Variants in MTREX observed in about 807,000 individuals in gnomAD.
The protein encoded by MTREX is exosome RNA helicase MTR4.
In MTREX, 76 loss-of-function variants were observed where a neutral mutation model predicts 135.4. The observed-to-expected ratio is 0.56, with a 90% CI of 0.47 to 0.68. MTREX has a LOEUF of 0.68. Ranked by LOEUF, MTREX falls within the 30% of genes least tolerant of loss-of-function variation. The probability of loss-of-function intolerance (pLI) is 0.00; values close to 1 mark genes in which losing one functional copy is unlikely to be tolerated. For missense variants in MTREX, 920 were observed against 1,262.1 expected, an observed-to-expected ratio of 0.73 and a Z score of 4.11; for synonymous variants, 404 against 401.6, an observed-to-expected ratio of 1.01 and a Z score of -0.07.
At chr5:55,325,342 T>G (rs967072857) in intron 3 of MTREX, among the ~76,000 whole-genome samples, 14 of 149,684 alleles carry the variant, frequency 9.4e-5, no homozygotes, top group African/African-American at 2.7e-4. Flanking sequence ...TTTTTTTGTT[T>G]TTTTTTTTTT....
intron 23 of MTREX, among the ~76,000 whole-genome samples, chr5:55,412,993 T>C (rs973960448): frequency 2.0e-5 from 3 of 152,054 alleles, no homozygotes; most frequent in African/African-American, 7.2e-5. Flanking sequence ...TTATAAGTAC[T>C]GGTGCTTAAA....
chr5:55,316,003 A>C (rs560619762), intron 1 of MTREX, among the ~76,000 whole-genome samples: 1 of 152,176 alleles, frequency 6.6e-6, no homozygotes, highest in Non-Finnish European at 1.5e-5. Context: ...AACTATTATG[A>C]ACACCTCTAC....
chr5:55,330,469 TG>T (rs968810853), intron 5 of MTREX, among the ~76,000 whole-genome samples: 80 of 152,180 alleles, frequency 5.3e-4, no homozygotes, highest in African/African-American at 1.6e-3. Context: ...TTTTTCGTAA[TG>T]TTTTTTTCTA....
rs538246400 is a variant in MTREX, at chr5:55,340,622, C to T, written c.690+438C>T. 2.6e-3 allele frequency among the ~76,000 whole-genome samples: 403 copies of T among 152,260 alleles called. 1 individual carries two copies. The highest frequency in any genetic ancestry group is 4.4e-3 in the Non-Finnish European group (302 of 68,018). On this transcript the variant is annotated intron_variant, in intron 6 of 26. Transcript: ENST00000230640. The stretch of plus-strand genomic sequence containing the variant: ...TTTGAGATGGAGTCTCGTTCTGTCT[C>T]GCAGGCTGGAGTGCAGTGGTGCAAC...
chr5:55,327,001 T>TC (rs1370708782), intron 3 of MTREX, among the ~76,000 whole-genome samples: 1 of 152,244 alleles, frequency 6.6e-6, no homozygotes, highest in African/African-American at 2.4e-5. Flanking sequence ...TCCAGCTTCA[T>TC]CCATATCCCT....
chr5:55,347,233 C>T (rs531868223), intron 11 of MTREX, 89 bp downstream of exon 11: 19,252 of 1,296,974 alleles, frequency 0.015, 165 homozygotes, highest in Non-Finnish European at 0.018. Flanking sequence ...TTACATATTA[C>T]TAGGATATGC....
chr5:55,364,362 C>T (rs1484627904), intron 15 of MTREX, among the ~76,000 whole-genome samples: 2 of 152,160 alleles, frequency 1.3e-5, no homozygotes, highest in Admixed American at 1.3e-4. Context: ...ATGTCCAGTA[C>T]ACTTCTGTGT....
At chr5:55,348,573 C>G (rs1749775759) in intron 11 of MTREX, among the ~76,000 whole-genome samples, 1 of 152,158 alleles carries the variant, frequency 6.6e-6, no homozygotes, top group African/African-American at 2.4e-5. Flanking sequence ...TTTTCTTTAT[C>G]AAGGCAGGTT....
intron 11 of MTREX, 123 bp downstream of exon 11, chr5:55,347,267 T>G (rs1749753740): frequency 2.2e-6 from 2 of 911,408 alleles, no homozygotes; most frequent in Non-Finnish European, 3.2e-6. Context: ...GTTACAGCAG[T>G]ACTCAGCACA....
chr5:55,328,707 G>T lies in MTREX; in HGVS notation c.411G>T (p.Pro137=). The change falls in exon 5 of 27, where the codon CCG becomes CCT. Residue 137 remains proline (P), a synonymous_variant. Coordinates refer to ENST00000230640, the MANE Select transcript of MTREX (RefSeq NM_015360.5). ...ATGTTTTGTTTTTATAGGAATACCC[G>T]TTCATTCTTGATGCTTTTCAAAGAG... ...PRVGKAAKEY[P]FILDAFQREA... 6.2e-7 allele frequency: 1 copy of T among 1,607,842 alleles called. No homozygotes were observed. The highest frequency in any genetic ancestry group is 8.5e-7 in the Non-Finnish European group (1 of 1,174,910).
intron 5 of MTREX, among the ~76,000 whole-genome samples, chr5:55,333,674 C>G (rs978113011): frequency 1.8e-4 from 28 of 152,098 alleles, no homozygotes; most frequent in African/African-American, 6.8e-4. Context: ...CTGTGGAAAA[C>G]AGTCTGGCAA....
At chr5:55,331,194 A>G (rs574936288) in intron 5 of MTREX, among the ~76,000 whole-genome samples, 1 of 151,942 alleles carries the variant, frequency 6.6e-6, no homozygotes, top group Non-Finnish European at 1.5e-5. Context: ...TTAAAAAAAA[A>G]TTTTCATTAC....
chr5:55,376,748 T>A (rs1424748970), intron 16 of MTREX, among the ~76,000 whole-genome samples: 2 of 152,128 alleles, frequency 1.3e-5, no homozygotes, highest in Non-Finnish European at 2.9e-5. Flanking sequence ...AGATTTTTTT[T>A]AAAAAGAAGG....
At chr5:55,339,567 T>G (rs1007205834) in intron 5 of MTREX, among the ~76,000 whole-genome samples, 1 of 152,242 alleles carries the variant, frequency 6.6e-6, no homozygotes, top group African/African-American at 2.4e-5. Flanking sequence ...AGGACTGACT[T>G]GTTAACTGTT....
chr5:55,420,359 C>T (rs1255766963), intron 25 of MTREX, among the ~76,000 whole-genome samples: 2 of 152,108 alleles, frequency 1.3e-5, no homozygotes, highest in African/African-American at 4.8e-5. Flanking sequence ...GTTCATCAAC[C>T]GGGTAAGGCT....
chr5:55,368,246 C>T (rs535316320), intron 16 of MTREX, among the ~76,000 whole-genome samples: 4 of 152,008 alleles, frequency 2.6e-5, no homozygotes, highest in Admixed American at 6.6e-5. Flanking sequence ...GTCAGGAGTT[C>T]GAGGCCAGCC....
At chr5:55,399,513 A>G (rs1750690711) in intron 20 of MTREX, among the ~76,000 whole-genome samples, 1 of 151,966 alleles carries the variant, frequency 6.6e-6, no homozygotes, top group South Asian at 2.1e-4. Context: ...TTTGAGACGG[A>G]GTCTTGCTCT....
intron 25 of MTREX, among the ~76,000 whole-genome samples, chr5:55,419,216 C>T (rs1038433219): frequency 6.6e-6 from 1 of 152,164 alleles, no homozygotes; most frequent in Non-Finnish European, 1.5e-5. Context: ...TCTGTTTTTA[C>T]AGGCAGACAA....
intron 5 of MTREX, among the ~76,000 whole-genome samples, chr5:55,339,404 G>C (rs1749606836): frequency 6.6e-6 from 1 of 151,968 alleles, no homozygotes; most frequent in South Asian, 2.1e-4. Context: ...GCCTATTCTG[G>C]GCAGGAGCTG....
Sources: gnomAD v4.1 joint callset for allele counts (sites outside exome capture counted in the v4.1 genomes callset) on GRCh38, gnomAD v4.1.1 for gene constraint, MANE v1.5 for transcripts, NCBI Gene and HGNC (gene_info 2026-07-23, HGNC 2026-07-21) for gene names.